NFATC3: variants seen among roughly 807,000 people sequenced by gnomAD.
The protein encoded by NFATC3 is nuclear factor of activated T-cells, cytoplasmic 3.
NFATC3 carries 46 observed loss-of-function variants against 98.6 expected under a neutral mutation model. The ratio of observed to expected loss-of-function variants is 0.47; its 90% confidence interval spans 0.37 to 0.60. NFATC3 has a LOEUF of 0.60. NFATC3 is among the 20% of genes least tolerant of loss of function. The pLI, the probability that NFATC3 is intolerant of heterozygous loss-of-function variation, is 0.00. For missense variants in NFATC3, 1,256 were observed against 1,295.5 expected (o/e 0.97, Z 0.47); for synonymous variants, 512 against 472.2 (o/e 1.08, Z -1.09).
chr16:68,153,013 A>G (rs183080645), intron 3 of NFATC3, among the ~76,000 whole-genome samples: 546 of 152,360 alleles, frequency 3.6e-3, no homozygotes, highest in Non-Finnish European at 4.2e-3. Flanking sequence ...AATAATAATC[A>G]GTACATACTC....
chr16:68,136,670 AC>A (rs1162548247), intron 3 of NFATC3, among the ~76,000 whole-genome samples: 3 of 152,196 alleles, frequency 2.0e-5, no homozygotes, highest in Non-Finnish European at 2.9e-5. Flanking sequence ...GAAATGCATC[AC>A]TGGGCGATTT....
At chr16:68,166,224 C>G (rs1284500375) in intron 4 of NFATC3, among the ~76,000 whole-genome samples, 1 of 152,174 alleles carries the variant, frequency 6.6e-6, no homozygotes, top group Non-Finnish European at 1.5e-5. Context: ...AGTTATCACT[C>G]TATTATTTTG....
At chr16:68,124,886 G>T (rs1344375800) in intron 2 of NFATC3, among the ~76,000 whole-genome samples, 2 of 151,844 alleles carry the variant, frequency 1.3e-5, no homozygotes, top group African/African-American at 4.8e-5. Context: ...CTGCCACCAC[G>T]CCTGGCTAAT....
intron 9 of NFATC3, among the ~76,000 whole-genome samples, chr16:68,221,909 G>C (rs546387329): frequency 6.6e-6 from 1 of 152,110 alleles, no homozygotes; most frequent in Non-Finnish European, 1.5e-5. Flanking sequence ...CCTTATATAA[G>C]TGTACTTGGT....
chr16:68,194,036 C>A (rs905345037), intron 9 of NFATC3, among the ~76,000 whole-genome samples: 2 of 152,178 alleles, frequency 1.3e-5, no homozygotes, highest in Non-Finnish European at 2.9e-5. Flanking sequence ...ACTAGAGCAA[C>A]ACCTAAAATT....
intron 9 of NFATC3, among the ~76,000 whole-genome samples, chr16:68,205,625 A>G (rs74421415): frequency 1.3e-5 from 2 of 152,328 alleles, no homozygotes; most frequent in South Asian, 4.1e-4. Flanking sequence ...TCTTCTAAGT[A>G]GATACTCCAT....
At chr16:68,203,457 C>A (rs1158780178) in intron 9 of NFATC3, among the ~76,000 whole-genome samples, 3 of 151,766 alleles carry the variant, frequency 2.0e-5, no homozygotes, top group African/African-American at 7.3e-5. Context: ...CATGGTGAAA[C>A]CCTGTCTCTA....
chr16:68,188,927 C>T lies in NFATC3; in HGVS notation c.2099-1841C>T, dbSNP rs4275847. Among the ~76,000 whole-genome samples the T allele has an allele frequency of 6.2e-3, 937 of 152,180 alleles. 2 individuals carry two copies. The highest frequency in any genetic ancestry group is 0.025 in the South Asian group (121 of 4,818). On this transcript the variant is annotated intron_variant, in intron 8 of 9. Coordinates refer to ENST00000346183, the MANE Select transcript of NFATC3 (RefSeq NM_173165.3). ...TTCATCATGTTGGCCAGGCTGGTCTCGAATTCCTGACCTCAAGTGATCCTC... is the reference window on the plus strand; with the variant it reads ...TTCATCATGTTGGCCAGGCTGGTCTTGAATTCCTGACCTCAAGTGATCCTC...
intron 9 of NFATC3, chr16:68,209,452 G>A (rs1250891540): frequency 5.3e-6 from 1 of 187,866 alleles, no homozygotes; most frequent in Admixed American, 6.0e-5. Flanking sequence ...TTCACCCGTA[G>A]ACCACCACCA....
At chr16:68,210,478 A>G (rs190640758) in intron 9 of NFATC3, among the ~76,000 whole-genome samples, 7 of 150,406 alleles carry the variant, frequency 4.7e-5, no homozygotes, top group Admixed American at 4.6e-4. Flanking sequence ...CTCAAAAAAA[A>G]TAAAAGAATT....
intron 3 of NFATC3, among the ~76,000 whole-genome samples, chr16:68,133,901 A>G (rs965286001): frequency 9.9e-5 from 15 of 151,566 alleles, no homozygotes; most frequent in Admixed American, 7.9e-4. Context: ...AAAAAAAATG[A>G]CTTTCGATGG....
In NFATC3 at chr16:68,181,389, A is replaced by T. The variant is rs542285273; in HGVS notation, c.1916-86A>T. The T allele has an allele frequency of 1.2e-4, 108 of 895,872 alleles. No homozygotes were observed. The African/African-American group carries it at 1.6e-3, about 13-fold the overall frequency. The allele number at this position is 895,872 out of a possible 1,614,324, so 55.5% of individuals were successfully genotyped here. On this transcript the variant is annotated intron_variant, in intron 6 of 9. Coordinates refer to ENST00000346183, the MANE Select transcript of NFATC3 (RefSeq NM_173165.3). ...GAAAAAAGATCCCCTTTGTTAATAAATTTGTGATACTATCCATGCATTAGA... is the reference window on the plus strand; with the variant it reads ...GAAAAAAGATCCCCTTTGTTAATAATTTTGTGATACTATCCATGCATTAGA...
chr16:68,142,596 A>G (rs768965981), intron 3 of NFATC3, among the ~76,000 whole-genome samples: 7 of 152,106 alleles, frequency 4.6e-5, no homozygotes, highest in Admixed American at 6.6e-5. Flanking sequence ...TGTCTCTACT[A>G]AAAATACAAA....
chr16:68,169,286 T>G (rs571976577), intron 5 of NFATC3, among the ~76,000 whole-genome samples: 17 of 152,300 alleles, frequency 1.1e-4, no homozygotes, highest in Middle Eastern at 3.4e-3. Context: ...ATTCATTTAT[T>G]TGAGCAGGGT....
chr16:68,190,852 G>A lies in NFATC3; in HGVS notation c.2183G>A (p.Arg728Lys), dbSNP rs1224467354. 1.2e-6 allele frequency: 2 copies of A among 1,614,170 alleles called. No homozygotes were observed. Among genetic ancestry groups the A allele is most frequent in the South Asian group, 1.1e-5 (1 of 91,076 alleles). ...LPVPHPAQTQ[R>K]PSSDSGCSHD... is the part of the protein sequence containing the mutation. ...GTGCCTCATCCTGCTCAGACCCAGA[G>A]GCCTTCCTCTGATTCAGGGTGTTCA... Residue 728 changes from arginine to lysine, a missense_variant, in exon 9 of 10, where the codon AGG becomes AAG. Coordinates refer to ENST00000346183, the MANE Select transcript of NFATC3 (RefSeq NM_173165.3).
At chr16:68,181,371 G>C in intron 6 of NFATC3, 104 bp from the exon 7 acceptor site, 1 of 765,188 alleles carries the variant, frequency 1.3e-6, no homozygotes, top group Non-Finnish European at 2.3e-6. Context: ...GTGGAAAAAA[G>C]ATCCCCTTTG....
At chr16:68,179,614 CA>C (rs2039870768) in intron 6 of NFATC3, among the ~76,000 whole-genome samples, 1 of 152,080 alleles carries the variant, frequency 6.6e-6, no homozygotes, top group Non-Finnish European at 1.5e-5. Context: ...GCCCATGACA[CA>C]AAAAGAATGC....
chr16:68,097,044 A>G (rs548869864), intron 1 of NFATC3, among the ~76,000 whole-genome samples: 12 of 152,270 alleles, frequency 7.9e-5, no homozygotes, highest in African/African-American at 2.2e-4. Flanking sequence ...GAAGACGACA[A>G]AGTGGGAATA....
chr16:68,122,527 C>T lies in NFATC3; in HGVS notation c.644C>T (p.Ser215Phe). The T allele has an allele frequency of 2.5e-6, 4 of 1,614,182 alleles. No homozygotes were observed. The highest frequency in any genetic ancestry group is 3.4e-6 in the Non-Finnish European group (4 of 1,180,030). ...LGSPLTSPGG[S>F]PGGCPGEETW... The stretch of plus-strand genomic sequence containing the variant: ...TCCCCTCTGACTTCTCCTGGTGGCT[C>T]TCCAGGGGGCTGCCCTGGAGAAGAA... The change falls in exon 2 of 10, where the codon TCT (serine) becomes TTT (phenylalanine). Residue 215 changes from serine to phenylalanine, a missense_variant. Physicochemically the swap from Ser to Phe is radical, Grantham distance 155 (BLOSUM62 -2). This residue lies in a region of NFATC3 where 464 missense variants were observed against 465.7 expected (regional missense o/e 1.00). Transcript: ENST00000346183.
Sources: gnomAD v4.1 joint callset for allele counts (sites outside exome capture counted in the v4.1 genomes callset) on GRCh38, gnomAD v4.1.1 for gene constraint, gnomAD v4.1.1 regional missense constraint, MANE v1.5 for transcripts, NCBI Gene and HGNC (gene_info 2026-07-23, HGNC 2026-07-21) for gene names.